Variants in RNF144A observed in about 807,000 individuals in gnomAD.
RNF144A encodes E3 ubiquitin-protein ligase RNF144A.
Under a neutral mutation model 38.7 loss-of-function variants are expected in RNF144A, and 11 were observed. That is an observed-to-expected ratio of 0.28 (90% confidence interval 0.18 to 0.47). The LOEUF (loss-of-function observed/expected upper bound fraction) is 0.47, where lower values mean the gene tolerates loss of function less well. Ranked by LOEUF, RNF144A falls within the 20% of genes least tolerant of loss-of-function variation. The pLI is 0.99. For missense variants in RNF144A, 316 were observed against 377.2 expected, an observed-to-expected ratio of 0.84 and a Z score of 1.34; for synonymous variants, 149 against 143.9, an observed-to-expected ratio of 1.04 and a Z score of -0.25.
At chr2:7,064,637 C>T (rs117213735) in intron 6 of RNF144A, among the ~76,000 whole-genome samples, 21 of 152,122 alleles carry the variant, frequency 1.4e-4, no homozygotes, top group Admixed American at 7.2e-4. Context: ...ACAATGAGCA[C>T]GGACCAACAC....
chr2:7,005,482 T>C (rs1034724906), intron 3 of RNF144A, among the ~76,000 whole-genome samples: 5 of 152,124 alleles, frequency 3.3e-5, no homozygotes. Flanking sequence ...GGGATGACTT[T>C]AGGGTGCAAA....
chr2:7,031,210 C>A (rs1672279087), intron 8 of RNF144A, among the ~76,000 whole-genome samples: 6 of 152,066 alleles, frequency 3.9e-5, no homozygotes, highest in Admixed American at 3.9e-4. Flanking sequence ...CCTGTGCAGT[C>A]TTTGGAGTTG....
intron 7 of RNF144A, among the ~76,000 whole-genome samples, chr2:7,028,630 T>G (rs1343406322): frequency 6.6e-6 from 1 of 152,138 alleles, no homozygotes; most frequent in East Asian, 1.9e-4. Flanking sequence ...GTCTGGAAAA[T>G]GGAGACATAC....
chr2:7,033,878 G>A (rs1395943100), intron 8 of RNF144A, among the ~76,000 whole-genome samples: 1 of 152,214 alleles, frequency 6.6e-6, no homozygotes, highest in Admixed American at 6.5e-5. Flanking sequence ...GCAAAATCGC[G>A]AATGACCCGT....
At chr2:7,054,348 A>G (rs1673644270) in intron 6 of RNF144A, among the ~76,000 whole-genome samples, 5 of 152,354 alleles carry the variant, frequency 3.3e-5, no homozygotes, top group Admixed American at 2.0e-4. Context: ...ATACATACAT[A>G]TGTACATATA....
chr2:7,055,994 G>A (rs1354526523), intron 6 of RNF144A, among the ~76,000 whole-genome samples: 2 of 152,112 alleles, frequency 1.3e-5, no homozygotes, highest in African/African-American at 4.8e-5. Context: ...CCTCTGCTCT[G>A]CCCAGTAACT....
At chr2:6,983,018 A>G (rs1384995755) in intron 2 of RNF144A, among the ~76,000 whole-genome samples, 1 of 152,226 alleles carries the variant, frequency 6.6e-6, no homozygotes, top group Admixed American at 6.5e-5. Context: ...CAGAGAGCCT[A>G]GGAAAGGCTT....
chr2:7,044,302 G>C (rs1263669339), downstream of RNF144A: 1 of 610,310 alleles, frequency 1.6e-6, no homozygotes, highest in Admixed American at 6.3e-5. Flanking sequence ...TGTGGGAACT[G>C]GGGGTGGAGG....
intron 3 of RNF144A, among the ~76,000 whole-genome samples, chr2:7,004,770 G>C (rs1056303373): frequency 6.6e-6 from 1 of 152,168 alleles, no homozygotes; most frequent in African/African-American, 2.4e-5. Flanking sequence ...TCAAACATCT[G>C]GAGCTTAAAC....
rs1007114869 is a variant in RNF144A, at chr2:7,039,828, G to A, written c.*68G>A. On this transcript the variant is annotated 3_prime_UTR_variant, in exon 9 of 9. Coordinates refer to ENST00000320892, the MANE Select transcript of RNF144A (RefSeq NM_014746.6). ...TGGCTCTCCCCCAACCCTCCCCACCGTCCCCCCTTCACTAAACATCTTTCT... is the reference window on the plus strand; with the variant it reads ...TGGCTCTCCCCCAACCCTCCCCACCATCCCCCCTTCACTAAACATCTTTCT... 4.0e-5 allele frequency: 59 copies of A among 1,457,774 alleles called. No homozygotes were observed. Among genetic ancestry groups the A allele is most frequent in the Middle Eastern group, 2.4e-4 (1 of 4,146 alleles). 90.3% of individuals were successfully genotyped at this position (1,457,774 alleles called of 1,614,324 possible).
At chr2:6,922,186 T>A (rs548691662) in intron 1 of RNF144A, among the ~76,000 whole-genome samples, 1 of 152,272 alleles carries the variant, frequency 6.6e-6, no homozygotes, top group South Asian at 2.1e-4. Flanking sequence ...GCGACCATTG[T>A]TTTTACAGTC....
At chr2:6,942,335 G>A (rs1208025259) in intron 2 of RNF144A, among the ~76,000 whole-genome samples, 2 of 152,076 alleles carry the variant, frequency 1.3e-5, no homozygotes, top group African/African-American at 2.4e-5. Flanking sequence ...AGAGGGTGGA[G>A]GACAAGGGTG....
chr2:7,012,620 CCA>C (rs1670891386), intron 3 of RNF144A, among the ~76,000 whole-genome samples: 1 of 152,234 alleles, frequency 6.6e-6, no homozygotes, highest in South Asian at 2.1e-4. Flanking sequence ...GTCCGCAGCG[CCA>C]CTGCCACTTA....
Position 6,985,832 on chromosome 2 carries a change from C to A in RNF144A, c.-11-11084C>A, listed in dbSNP as rs541816053. On this transcript the variant is annotated intron_variant, in intron 2 of 8. Transcript: ENST00000320892. ...GGACTGCACGTGCGCACCATCGCAC[C>A]CGGCTAATTTTTTTTGTATTTTTAG... Among the ~76,000 whole-genome samples the A allele has an allele frequency of 1.3e-4, 20 of 152,174 alleles. No homozygotes were observed. In the South Asian group the frequency reaches 4.2e-3, roughly 32 times the overall value.
chr2:6,947,041 A>G lies in RNF144A; in HGVS notation c.-12+5894A>G, dbSNP rs541098092. Among the ~76,000 whole-genome samples, 10 of 152,234 alleles carry G rather than the reference A, an allele frequency of 6.6e-5. No individual in the cohort carries two copies. The South Asian group carries it at 8.3e-4, about 13-fold the overall frequency. ...TCAAGACTTGAGTTTCATTTTTACA[A>G]TGTATCTTCTAGTCCATCTGTGTAT... On this transcript the variant is annotated intron_variant, in intron 2 of 8. Coordinates refer to ENST00000320892, the MANE Select transcript of RNF144A (RefSeq NM_014746.6).
At chr2:7,024,746 A>G (rs1442657543) in intron 7 of RNF144A, among the ~76,000 whole-genome samples, 2 of 152,212 alleles carry the variant, frequency 1.3e-5, no homozygotes, top group Admixed American at 6.5e-5. Flanking sequence ...CACTTCATGC[A>G]GGTTCAGGAT....
At chr2:7,070,779 C>T (rs189153608), downstream of RNF144A, among the ~76,000 whole-genome samples, 11 of 152,182 alleles carry the variant, frequency 7.2e-5, no homozygotes, top group Admixed American at 3.3e-4. Context: ...AAAAGTTCCG[C>T]GATTGCCAAC....
chr2:6,975,694 C>T (rs1668266825), intron 2 of RNF144A, among the ~76,000 whole-genome samples: 1 of 152,090 alleles, frequency 6.6e-6, no homozygotes, highest in Non-Finnish European at 1.5e-5. Flanking sequence ...GTGGTTGTGG[C>T]ACAGGCCTGT....
intron 2 of RNF144A, among the ~76,000 whole-genome samples, chr2:6,942,291 C>G (rs1263328590): frequency 6.8e-6 from 1 of 147,082 alleles, no homozygotes; most frequent in Non-Finnish European, 1.5e-5. Flanking sequence ...GAGGACAAGG[C>G]TAGAGTCCAG....
Sources: allele counts gnomAD v4.1 joint callset (sites outside exome capture counted in the v4.1 genomes callset), GRCh38; gene constraint gnomAD v4.1.1; transcripts MANE v1.5; gene names NCBI Gene and HGNC (gene_info 2026-07-23, HGNC 2026-07-21).